The following CDH13 variants were observed in gnomAD, a reference collection of about 807,000 sequenced individuals.
CDH13 encodes the protein cadherin 13, also known as cadherin-13.
A neutral mutation model predicts 63.8 loss-of-function variants in CDH13; 24 were observed. That is an observed-to-expected ratio of 0.38 (90% CI 0.27 to 0.53). The LOEUF is 0.53. Ranked by LOEUF, CDH13 falls within the 20% of genes least tolerant of loss-of-function variation. CDH13 has a pLI of 0.85. For synonymous variants in CDH13, 503 were observed against 355.3 expected (o/e 1.42, Z -4.67); for missense variants, 1,049 against 903.1 (o/e 1.16, Z -2.07).
chr16:82,829,549 A>G (rs1366225474), intron 1 of CDH13: 1 of 152,184 alleles, frequency 6.6e-6, no homozygotes, highest in African/African-American at 2.4e-5. Flanking sequence ...AGAGAAAATC[A>G]GCAAGAAGAT....
chr16:83,661,440 A>T (rs1164388025), intron 8 of CDH13, among the ~76,000 whole-genome samples: 3 of 150,778 alleles, frequency 2.0e-5, no homozygotes, highest in African/African-American at 7.3e-5. Context: ...ACGCAGTCAC[A>T]CCACTGCACT....
intron 8 of CDH13, among the ~76,000 whole-genome samples, chr16:83,668,939 C>T (rs1192700205): frequency 6.6e-6 from 1 of 152,220 alleles, no homozygotes; most frequent in Non-Finnish European, 1.5e-5. Context: ...GGCAGCTTCA[C>T]CCATTCACAA....
chr16:83,782,974 C>A (rs77159618), intron 12 of CDH13, among the ~76,000 whole-genome samples: 2 of 152,104 alleles, frequency 1.3e-5, no homozygotes, highest in East Asian at 3.9e-4. Flanking sequence ...ATAATCGCGC[C>A]GAGGCACAGA....
At chr16:83,326,962 C>T (rs76158834) in intron 5 of CDH13, among the ~76,000 whole-genome samples, 8 of 152,078 alleles carry the variant, frequency 5.3e-5, no homozygotes, top group South Asian at 2.1e-4. Context: ...GCATCTCATC[C>T]GGCCACAGTC....
chr16:83,209,267 C>G (rs2039268832), intron 4 of CDH13, among the ~76,000 whole-genome samples: 1 of 152,206 alleles, frequency 6.6e-6, no homozygotes, highest in Admixed American at 6.5e-5. Context: ...GAGTCAGGGC[C>G]TGGATCTGCC....
chr16:83,071,694 G>C (rs926306309), intron 3 of CDH13, among the ~76,000 whole-genome samples: 1 of 152,140 alleles, frequency 6.6e-6, no homozygotes, highest in African/African-American at 2.4e-5. Context: ...AGAAAAGTAA[G>C]TTGATAGGAG....
At chr16:83,655,629 C>T (rs1199518503) in intron 8 of CDH13, among the ~76,000 whole-genome samples, 1 of 152,144 alleles carries the variant, frequency 6.6e-6, no homozygotes, top group Admixed American at 6.6e-5. Flanking sequence ...GGAAAAGGCT[C>T]TGGATTTTGT....
chr16:83,613,167 ACTTTT>A (rs1418703410), intron 8 of CDH13, among the ~76,000 whole-genome samples: 5 of 152,172 alleles, frequency 3.3e-5, no homozygotes, highest in Non-Finnish European at 7.4e-5. Context: ...TGTCAGTGTT[ACTTTT>A]ATTTCCATTG....
At position 83,036,989 on chromosome 16, in the gene CDH13, C is replaced by A. The variant is rs1460383135; in HGVS notation, c.366+4771C>A. On this transcript the variant is annotated intron_variant, in intron 3 of 13. Coordinates refer to ENST00000567109, the MANE Select transcript of CDH13 (RefSeq NM_001257.5). Reference sequence around the variant, plus strand: ...ACAGGATGGAGACAGCATCTGAAGACCAGGAGGAGGGATTCTAGATTGATA... The same window carrying A: ...ACAGGATGGAGACAGCATCTGAAGAACAGGAGGAGGGATTCTAGATTGATA... 3.9e-5 allele frequency among the ~76,000 whole-genome samples: 6 copies of A among 152,012 alleles called. No homozygotes were observed. The East Asian group carries it at 1.2e-3, about 29-fold the overall frequency.
chr16:82,669,241 A>C (rs1445120098), intron 1 of CDH13, among the ~76,000 whole-genome samples: 1 of 152,230 alleles, frequency 6.6e-6, no homozygotes, highest in Non-Finnish European at 1.5e-5. Context: ...TTGGGTCAGC[A>C]TGTTAGATAC....
intron 8 of CDH13, among the ~76,000 whole-genome samples, chr16:83,659,555 T>A (rs573423769): frequency 6.6e-6 from 1 of 152,270 alleles, no homozygotes; most frequent in South Asian, 2.1e-4. Flanking sequence ...CACAGGGGGG[T>A]GTTTTCAGAA....
At chr16:83,327,284 A>T (rs905310040) in intron 5 of CDH13, among the ~76,000 whole-genome samples, 1 of 152,248 alleles carries the variant, frequency 6.6e-6, no homozygotes, top group African/African-American at 2.4e-5. Context: ...TTTGAGAGTG[A>T]CAATAACTTC....
Position 83,589,750 on chromosome 16 carries a change from T to C in CDH13, c.961-12704T>C, listed in dbSNP as rs956352332. On this transcript the variant is annotated intron_variant, in intron 7 of 13. Transcript: ENST00000567109. ...GTGAAGGGAAAATTGCTATACAGTG[T>C]CATTATCTCAACCAAGAGAGAAACA... 2.6e-5 allele frequency among the ~76,000 whole-genome samples: 4 copies of C among 152,060 alleles called. 1 individual carries two copies. Among genetic ancestry groups the C allele is most frequent in the Admixed American group, 1.3e-4 (2 of 15,284 alleles).
intron 7 of CDH13, among the ~76,000 whole-genome samples, chr16:83,536,442 A>C (rs1352462590): frequency 6.6e-6 from 1 of 152,072 alleles, no homozygotes; most frequent in African/African-American, 2.4e-5. Context: ...AATGGGTAGA[A>C]AGAACATCAC....
At chr16:82,641,095 G>C (rs55918102) in intron 1 of CDH13, among the ~76,000 whole-genome samples, 10,884 of 152,204 alleles carry the variant, frequency 0.072, 428 homozygotes, top group East Asian at 0.11. Flanking sequence ...ACAGTCATGG[G>C]AAACTGGCTT....
chr16:83,109,935 G>C (rs2034977763), intron 3 of CDH13, among the ~76,000 whole-genome samples: 2 of 152,360 alleles, frequency 1.3e-5, no homozygotes, highest in East Asian at 1.9e-4. Flanking sequence ...GCTCCTGCTA[G>C]ATTCGTGAAA....
chr16:82,733,253 T>C (rs2033493806), intron 1 of CDH13, among the ~76,000 whole-genome samples: 1 of 152,176 alleles, frequency 6.6e-6, no homozygotes, highest in African/African-American at 2.4e-5. Flanking sequence ...CATTGCATTG[T>C]CGATTGTGTG....
chr16:82,803,342 T>G (rs1378019721), intron 1 of CDH13, among the ~76,000 whole-genome samples: 2 of 152,216 alleles, frequency 1.3e-5, no homozygotes, highest in African/African-American at 2.4e-5. Context: ...TTATTGGGCC[T>G]TCTTTATCTC....
intron 4 of CDH13, among the ~76,000 whole-genome samples, chr16:83,151,474 A>G (rs1244631368): frequency 6.6e-6 from 1 of 152,242 alleles, no homozygotes; most frequent in Non-Finnish European, 1.5e-5. Context: ...ATCATTGGCT[A>G]GACCTGGAAA....
Sources: allele counts gnomAD v4.1 joint callset (sites outside exome capture counted in the v4.1 genomes callset), GRCh38; gene constraint gnomAD v4.1.1; transcripts MANE v1.5; gene names NCBI Gene and HGNC (gene_info 2026-07-23, HGNC 2026-07-21).